Variants in KDM8 observed in about 807,000 individuals in gnomAD.
KDM8 encodes bifunctional peptidase and arginyl-hydroxylase JMJD5.
KDM8 carries 35 observed loss-of-function variants against 46.9 expected under a neutral mutation model. The observed-to-expected ratio is 0.75, with a 90% CI of 0.57 to 0.99. The LOEUF is 0.99. Among genes scored for constraint, KDM8 ranks in the 50% least tolerant of loss-of-function variants. KDM8 has a pLI of 0.00. For synonymous variants in KDM8, 232 were observed against 227.7 expected, an observed-to-expected ratio of 1.02 and a Z score of -0.17; for missense variants, 475 against 537.0, an observed-to-expected ratio of 0.88 and a Z score of 1.14.
chr16:27,204,205 G>C, intron 1 of KDM8: 1 of 1,463,092 alleles, frequency 6.8e-7, no homozygotes, highest in Non-Finnish European at 9.0e-7. Context: ...GCCTGGGTGT[G>C]TGACTGCCCT....
In KDM8 at chr16:27,220,798, T is replaced by C; in HGVS notation, c.*68T>C. 6.4e-7 allele frequency: 1 copy of C among 1,557,680 alleles called. No homozygotes were observed. Among genetic ancestry groups the C allele is most frequent in the Non-Finnish European group, 8.9e-7 (1 of 1,129,002 alleles). On this transcript the variant is annotated 3_prime_UTR_variant, in exon 8 of 8. Transcript: ENST00000286096. Reference sequence around the variant, plus strand: ...ATCTGTTCACTAATTTCCTGGGTCCTGGAATCTATAGAGACAAGCAGGACT... The same window carrying C: ...ATCTGTTCACTAATTTCCTGGGTCCCGGAATCTATAGAGACAAGCAGGACT...
intron 6 of KDM8, 43 bp downstream of exon 6, chr16:27,219,153 G>T: frequency 6.4e-7 from 1 of 1,551,386 alleles, no homozygotes; most frequent in Admixed American, 1.9e-5. Flanking sequence ...ACTCCTCCTG[G>T]CCCAGACACC....
chr16:27,205,646 T>G (rs1245756188), intron 1 of KDM8, among the ~76,000 whole-genome samples: 1 of 152,140 alleles, frequency 6.6e-6, no homozygotes, highest in Non-Finnish European at 1.5e-5. Flanking sequence ...AAAACCAGCC[T>G]GGGCAACAGA....
rs2083606781 is a variant in KDM8, at chr16:27,220,436, C to CA, written c.1038dup (p.Gly347ArgfsTer7). 1 of 1,613,998 alleles carries CA rather than the reference C, an allele frequency of 6.2e-7. No homozygotes were observed. The highest frequency in any genetic ancestry group is 1.1e-5 in the South Asian group (1 of 91,082). ...ATCCGGCTGTATTCCCCGCAGGAGTCAGGGGCTCTGTACCCTCATGACACG... is the reference window on the plus strand; with the variant it reads ...ATCCGGCTGTATTCCCCGCAGGAGTCAAGGGGCTCTGTACCCTCATGACACG... On this transcript the variant is annotated frameshift_variant, in exon 7 of 8. Transcript: ENST00000286096. LOFTEE classifies it high-confidence loss of function.
At chr16:27,204,460 C>T in intron 1 of KDM8, 1 of 849,760 alleles carries the variant, frequency 1.2e-6, no homozygotes, top group Non-Finnish European at 1.6e-6. Flanking sequence ...GGAAGTTTTA[C>T]GAAGCTCTTG....
In KDM8 at chr16:27,220,443, TC is replaced by T; in HGVS notation, c.1045del (p.Leu349CysfsTer48). On this transcript the variant is annotated frameshift_variant, in exon 7 of 8. Transcript: ENST00000286096. LOFTEE classifies it high-confidence loss of function. The stretch of plus-strand genomic sequence containing the variant: ...TGTATTCCCCGCAGGAGTCAGGGGC[TC>T]TGTACCCTCATGACACGCACCTTCT... Reference protein sequence around the residue: ...RLYSPQESGALYPHDTHLLHN... With the variant: ...RLYSPQESGAXYPHDTHLLHN... The T allele has an allele frequency of 6.2e-7, 1 of 1,614,030 alleles. No individual in the cohort carries two copies. The highest frequency in any genetic ancestry group is 8.5e-7 in the Non-Finnish European group (1 of 1,179,988).
intron 6 of KDM8, 70 bp from the exon 7 acceptor site, chr16:27,220,323 G>A: frequency 1.5e-6 from 2 of 1,336,636 alleles, no homozygotes; most frequent in Non-Finnish European, 2.2e-6. Context: ...GAAGGGCACA[G>A]AGGCCAGAGT....
chr16:27,210,420 C>A lies in KDM8; in HGVS notation c.297C>A (p.Cys99Ter). 1 of 1,607,086 alleles carries A rather than the reference C, an allele frequency of 6.2e-7. No homozygotes were observed. The highest frequency in any genetic ancestry group is 8.5e-7 in the Non-Finnish European group (1 of 1,174,950). Reference sequence around the variant, plus strand: ...GGCGCCGGGTCTACGCCATCGGCTGCCTCCTGAAAGCCCTGTGTCTGTGCC... The same window carrying A: ...GGCGCCGGGTCTACGCCATCGGCTGACTCCTGAAAGCCCTGTGTCTGTGCC... ...KDWRRVYAIG[C>*]LLKALCLCQA... The change falls in exon 2 of 8, where the codon TGC becomes TGA. Residue 99 changes from cysteine (C) to a stop codon, truncating the protein, a stop_gained. Transcript: ENST00000286096. LOFTEE classifies it high-confidence loss of function.
chr16:27,220,481 GC>G lies in KDM8; in HGVS notation c.1084del (p.Gln362ArgfsTer35). ...PHDTHLLHNT[S>X]QVDVENPDLE... ...GACACGCACCTTCTCCATAACACGAGCCAGGTGGGCACTGGGGGTCTGGGGT... is the reference window on the plus strand; with the variant it reads ...GACACGCACCTTCTCCATAACACGAGCAGGTGGGCACTGGGGGTCTGGGGT... On this transcript the variant is annotated frameshift_variant, in exon 7 of 8. Transcript: ENST00000286096. LOFTEE classifies it high-confidence loss of function. 6.2e-7 allele frequency: 1 copy of G among 1,614,196 alleles called. No individual in the cohort carries two copies. The highest frequency in any genetic ancestry group is 1.7e-5 in the Admixed American group (1 of 60,032).
At chr16:27,203,978 G>T in intron 1 of KDM8, 1 of 794,530 alleles carries the variant, frequency 1.3e-6, no homozygotes, top group Non-Finnish European at 2.0e-6. Context: ...TAGGCCTAGT[G>T]CGCCTGCGCG....
At chr16:27,214,760 C>G (rs1340371463) in intron 3 of KDM8, 116 bp from the exon 4 acceptor site, 1 of 1,177,668 alleles carries the variant, frequency 8.5e-7, no homozygotes, top group Admixed American at 1.8e-5. Flanking sequence ...GATGACAGTC[C>G]TTGTCTCTGC....
chr16:27,212,052 A>T (rs1328155157), intron 2 of KDM8, among the ~76,000 whole-genome samples: 2 of 152,174 alleles, frequency 1.3e-5, no homozygotes, highest in African/African-American at 2.4e-5. Context: ...GGAGAAGAAA[A>T]TTTTTCCACA....
chr16:27,220,938 G>A lies in KDM8; in HGVS notation c.*208G>A. 1 of 658,828 alleles carries A rather than the reference G, an allele frequency of 1.5e-6. No homozygotes were observed. The highest frequency in any genetic ancestry group is 2.7e-6 in the Non-Finnish European group (1 of 365,200). 40.8% of individuals were successfully genotyped at this position (658,828 alleles called of 1,614,324 possible). A position where few individuals can be genotyped will look rare whatever the true frequency, so the allele number is the denominator to read the frequency against. Reference sequence around the variant, plus strand: ...CAGGAAGGAGCACACTCCAGGCCAGGGGTGCATGGCAGAGGAAGGTGGGGA... The same window carrying A: ...CAGGAAGGAGCACACTCCAGGCCAGAGGTGCATGGCAGAGGAAGGTGGGGA... On this transcript the variant is annotated 3_prime_UTR_variant, in exon 8 of 8. Transcript: ENST00000286096.
At chr16:27,214,765 C>A in intron 3 of KDM8, 111 bp from the exon 4 acceptor site, 1 of 1,225,672 alleles carries the variant, frequency 8.2e-7, no homozygotes, top group Non-Finnish European at 1.2e-6. Flanking sequence ...CAGTCCTTGT[C>A]TCTGCACGTG....
chr16:27,212,143 A>G (rs1363418373), intron 2 of KDM8, among the ~76,000 whole-genome samples: 2 of 152,254 alleles, frequency 1.3e-5, no homozygotes, highest in African/African-American at 2.4e-5. Flanking sequence ...CCCAGGAGGT[A>G]GAAATCCAGG....
rs1187082417 is a variant in KDM8, at chr16:27,220,628, C to T, written c.1149C>T (p.Ser383=). ...AGTTTGCCAAGGCCCCATTCCTGTC[C>T]TGCATCCTGTCTCCTGGAGAGATCC... ...FPKFAKAPFL[S]CILSPGEILF... The change falls in exon 8 of 8, where the codon TCC becomes TCT. Residue 383 remains serine, a synonymous_variant. Coordinates refer to ENST00000286096, the MANE Select transcript of KDM8 (RefSeq NM_024773.3). 6.2e-7 allele frequency: 1 copy of T among 1,614,186 alleles called. No homozygotes were observed. The highest frequency in any genetic ancestry group is 8.5e-7 in the Non-Finnish European group (1 of 1,180,030).
chr16:27,212,020 A>G (rs1365871101), intron 2 of KDM8, among the ~76,000 whole-genome samples: 1 of 152,232 alleles, frequency 6.6e-6, no homozygotes, highest in African/African-American at 2.4e-5. Flanking sequence ...ATGTAACCAA[A>G]ATAAAAGAAA....
intron 4 of KDM8, among the ~76,000 whole-genome samples, chr16:27,215,378 A>G (rs1166139230): frequency 1.3e-5 from 2 of 152,132 alleles, no homozygotes; most frequent in Admixed American, 6.5e-5. Flanking sequence ...CCAGGAGTTC[A>G]AGACCAGCCT....
At chr16:27,210,921 C>A (rs2083476958) in intron 2 of KDM8, among the ~76,000 whole-genome samples, 1 of 152,190 alleles carries the variant, frequency 6.6e-6, no homozygotes, top group South Asian at 2.1e-4. Flanking sequence ...TGGCACCACA[C>A]CCAGCTAATT....
Sources: allele counts gnomAD v4.1 joint callset (sites outside exome capture counted in the v4.1 genomes callset), GRCh38; gene constraint gnomAD v4.1.1; transcripts MANE v1.5; gene names NCBI Gene and HGNC (gene_info 2026-07-23, HGNC 2026-07-21).